Variants in TMEM60 observed in about 807,000 individuals in gnomAD.
TMEM60 encodes the protein transmembrane protein 60.
A neutral mutation model predicts 10.7 loss-of-function variants in TMEM60; 4 were observed. The ratio of observed to expected loss-of-function variants is 0.37; its 90% CI spans 0.18 to 0.86. The LOEUF (loss-of-function observed/expected upper bound fraction) is 0.86, where lower values mean the gene tolerates loss of function less well. Ranked by LOEUF, TMEM60 falls within the 40% of genes least tolerant of loss-of-function variation. TMEM60 has a pLI of 0.43. For synonymous variants in TMEM60, 56 were observed against 58.1 expected (o/e 0.96, Z 0.17); for missense variants, 128 against 153.4 (o/e 0.83, Z 0.88).
At position 77,793,761 on chromosome 7, in the gene TMEM60, T is replaced by G; in HGVS notation, c.*211A>C. On this transcript the variant is annotated 3_prime_UTR_variant, in exon 2 of 2. Transcript: ENST00000257663. ...AAAACAAACTTTATTTACATAGAGA[T>G]AATAAGGATCTCAATAACTCAAATG... 2.1e-6 allele frequency: 1 copy of G among 484,788 alleles called. No homozygotes were observed. 30.0% of individuals were successfully genotyped at this position (484,788 alleles called of 1,614,324 possible).
chr7:77,793,810 AC>A lies in TMEM60; in HGVS notation c.*161del, dbSNP rs1792135268. The A allele has an allele frequency of 1.4e-6, 1 of 695,114 alleles. No individual in the cohort carries two copies. The highest frequency in any genetic ancestry group is 1.8e-5 in the African/African-American group (1 of 54,212). The allele number at this position is 695,114 out of a possible 1,614,324, so 43.1% of individuals were successfully genotyped here. A position where few individuals can be genotyped will look rare whatever the true frequency, so the allele number is the denominator to read the frequency against. ...TGCTGAATAATTAAGCTGTAGGTTG[AC>A]TAGAAGTCCGTGATTCACCAATCCT... On this transcript the variant is annotated 3_prime_UTR_variant, in exon 2 of 2. Coordinates refer to ENST00000257663, the MANE Select transcript of TMEM60 (RefSeq NM_032936.4).
chr7:77,794,303 A>G lies in TMEM60; in HGVS notation c.71T>C (p.Val24Ala). 6.2e-7 allele frequency: 1 copy of G among 1,611,922 alleles called. No homozygotes were observed. Among genetic ancestry groups the G allele is most frequent in the East Asian group, 2.2e-5 (1 of 44,876 alleles). Residue 24 changes from valine to alanine, a missense_variant, in exon 2 of 2, where the codon GTG becomes GCG. By Grantham distance (64) the Val-to-Ala change is moderately conservative (BLOSUM62 0). Transcript: ENST00000257663. ...LFTLLFLIML[V>A]LKLDEKAPWN... ...AGGTGCTTTCTCATCCAGTTTCAAC[A>G]CCAACATGATCAAGAAGAGTAGTGT...
intron 1 of TMEM60, among the ~76,000 whole-genome samples, chr7:77,797,900 G>C (rs1181809759): frequency 6.6e-6 from 1 of 152,192 alleles, no homozygotes; most frequent in Non-Finnish European, 1.5e-5. Context: ...AGCCCGTGCA[G>C]CAACAGCCTT....
chr7:77,793,783 A>G lies in TMEM60; in HGVS notation c.*189T>C, dbSNP rs565119170. ...AGATAATAAGGATCTCAATAACTCA[A>G]ATGCTGAATAATTAAGCTGTAGGTT... On this transcript the variant is annotated 3_prime_UTR_variant, in exon 2 of 2. Transcript: ENST00000257663. 2 of 576,198 alleles carry G rather than the reference A, an allele frequency of 3.5e-6. No homozygotes were observed. The highest frequency in any genetic ancestry group is 5.6e-6 in the Non-Finnish European group (2 of 355,594). 35.7% of individuals were successfully genotyped at this position (576,198 alleles called of 1,614,324 possible).
At position 77,793,830 on chromosome 7, in the gene TMEM60, C is replaced by A; in HGVS notation, c.*142G>T. On this transcript the variant is annotated 3_prime_UTR_variant, in exon 2 of 2. Coordinates refer to ENST00000257663, the MANE Select transcript of TMEM60 (RefSeq NM_032936.4). ...GGTTGACTAGAAGTCCGTGATTCACCAATCCTGTTTTATGGAAGTAGTATA... is the reference window on the plus strand; with the variant it reads ...GGTTGACTAGAAGTCCGTGATTCACAAATCCTGTTTTATGGAAGTAGTATA... The A allele has an allele frequency of 2.2e-6, 2 of 908,122 alleles. No homozygotes were observed. Among genetic ancestry groups the A allele is most frequent in the African/African-American group, 1.7e-5 (1 of 58,166 alleles). The allele number at this position is 908,122 out of a possible 1,614,324, so 56.3% of individuals were successfully genotyped here. A position where few individuals can be genotyped will look rare whatever the true frequency, so the allele number is the denominator to read the frequency against.
In TMEM60 at chr7:77,794,402, A is replaced by G; in HGVS notation, c.-29T>C. The G allele has an allele frequency of 1.4e-6, 2 of 1,455,254 alleles. No homozygotes were observed. Among genetic ancestry groups the G allele is most frequent in the Non-Finnish European group, 1.8e-6 (2 of 1,104,368 alleles). 90.1% of individuals were successfully genotyped at this position (1,455,254 alleles called of 1,614,324 possible). On this transcript the variant is annotated 5_prime_UTR_variant, in exon 2 of 2. Coordinates refer to ENST00000257663, the MANE Select transcript of TMEM60 (RefSeq NM_032936.4). ...AACAGTTTAAAGAGGCTGTTGCAGG[A>G]TCGGAAAAAAGGAAATATACCCTAA...
At position 77,794,048 on chromosome 7, in the gene TMEM60, A is replaced by G. The variant is rs374607155; in HGVS notation, c.326T>C (p.Val109Ala). The G allele has an allele frequency of 4.1e-5, 66 of 1,612,406 alleles. No individual in the cohort carries two copies. The highest frequency in any genetic ancestry group is 5.3e-5 in the Non-Finnish European group (63 of 1,179,662). ...EQFTTMNLSY[V>A]FIPLWALLAG... ...CAGCAAGGCCCATAAAGGAATGAAG[A>G]CATAGGATAGATTCATGGTAGTAAA... The change falls in exon 2 of 2, where the codon GTC (valine) becomes GCC (alanine). Residue 109 changes from valine (V) to alanine (A), a missense_variant. Val to Ala is a moderately conservative substitution (Grantham distance 64, BLOSUM62 0). Coordinates refer to ENST00000257663, the MANE Select transcript of TMEM60 (RefSeq NM_032936.4).
At chr7:77,796,685 A>T (rs1042320101) in intron 1 of TMEM60, among the ~76,000 whole-genome samples, 16 of 152,234 alleles carry the variant, frequency 1.1e-4, no homozygotes, top group African/African-American at 3.9e-4. Context: ...CTTGATGGAA[A>T]GAGAAAAAGA....
At chr7:77,794,557 A>G (rs762392975) in intron 1 of TMEM60, 134 bp from the exon 2 acceptor site, 6 of 560,746 alleles carry the variant, frequency 1.1e-5, no homozygotes, top group Non-Finnish European at 1.7e-5. Context: ...CTTCCTTTCA[A>G]ATCCTCTAAA....
In TMEM60 at chr7:77,793,947, A is replaced by G. The variant is rs550516952; in HGVS notation, c.*25T>C. On this transcript the variant is annotated 3_prime_UTR_variant, in exon 2 of 2. Transcript: ENST00000257663. ...TAATGGTAACTTGTTGAACAGCAATAGAAAGGAGATGATGTACTTAGAAGT... is the reference window on the plus strand; with the variant it reads ...TAATGGTAACTTGTTGAACAGCAATGGAAAGGAGATGATGTACTTAGAAGT... 1 of 1,521,950 alleles carries G rather than the reference A, an allele frequency of 6.6e-7. No individual in the cohort carries two copies. The highest frequency in any genetic ancestry group is 2.3e-5 in the East Asian group (1 of 43,940). 94.3% of individuals were successfully genotyped at this position (1,521,950 alleles called of 1,614,324 possible).
At chr7:77,797,763 A>G (rs1294343031) in intron 1 of TMEM60, among the ~76,000 whole-genome samples, 1 of 152,168 alleles carries the variant, frequency 6.6e-6, no homozygotes, top group East Asian at 1.9e-4. Context: ...ACGGCTGGGT[A>G]TCAGCCCCCA....
At chr7:77,797,079 T>C (rs1033106273) in intron 1 of TMEM60, among the ~76,000 whole-genome samples, 1 of 152,174 alleles carries the variant, frequency 6.6e-6, no homozygotes, top group African/African-American at 2.4e-5. Context: ...GAGGCTGCCA[T>C]AGAGTGGGAT....
At chr7:77,797,985 C>T (rs963889145) in intron 1 of TMEM60, among the ~76,000 whole-genome samples, 1 of 152,248 alleles carries the variant, frequency 6.6e-6, no homozygotes, top group African/African-American at 2.4e-5. Context: ...TCAGGACGCT[C>T]CTAAACTATA....
chr7:77,797,079 T>G (rs1033106273), intron 1 of TMEM60, among the ~76,000 whole-genome samples: 1 of 152,174 alleles, frequency 6.6e-6, no homozygotes, highest in African/African-American at 2.4e-5. Flanking sequence ...GAGGCTGCCA[T>G]AGAGTGGGAT....
chr7:77,795,354 T>A (rs1037075622), intron 1 of TMEM60, among the ~76,000 whole-genome samples: 6 of 152,072 alleles, frequency 3.9e-5, no homozygotes, highest in African/African-American at 1.2e-4. Context: ...ACCCCGTCTC[T>A]ACTAAAAATA....
At position 77,794,279 on chromosome 7, in the gene TMEM60, G is replaced by C. The variant is rs753970717; in HGVS notation, c.95C>G (p.Pro32Arg). Residue 32 changes from proline (P) to arginine (R), a missense_variant, in exon 2 of 2, where the codon CCT becomes CGT. Pro to Arg is a moderately radical substitution (Grantham distance 103, BLOSUM62 -2). Transcript: ENST00000257663. Reference sequence around the variant, plus strand: ...AATGAATATGAGGAACCAGTTCCAAGGTGCTTTCTCATCCAGTTTCAACAC... The same window carrying C: ...AATGAATATGAGGAACCAGTTCCAACGTGCTTTCTCATCCAGTTTCAACAC... ...MLVLKLDEKAPWNWFLIFIPV... is the reference protein window; with the variant it reads ...MLVLKLDEKARWNWFLIFIPV... 107 of 1,613,480 alleles carry C rather than the reference G, an allele frequency of 6.6e-5. No homozygotes were observed. Among genetic ancestry groups the C allele is most frequent in the Non-Finnish European group, 8.5e-6 (10 of 1,179,920 alleles).
Position 77,794,417 on chromosome 7 carries a change from A to G in TMEM60, c.-44T>C. 6.9e-7 allele frequency: 1 copy of G among 1,447,076 alleles called. No homozygotes were observed. The highest frequency in any genetic ancestry group is 9.1e-7 in the Non-Finnish European group (1 of 1,100,248). 89.6% of individuals were successfully genotyped at this position (1,447,076 alleles called of 1,614,324 possible). A position where few individuals can be genotyped will look rare whatever the true frequency, so the allele number is the denominator to read the frequency against. On this transcript the variant is annotated 5_prime_UTR_variant, in exon 2 of 2. Transcript: ENST00000257663. ...CTGTTGCAGGATCGGAAAAAAGGAA[A>G]TATACCCTAAGAGAAGGAGAAAAAG...
Position 77,794,294 on chromosome 7 carries a change from A to T in TMEM60, c.80T>A (p.Leu27Gln), listed in dbSNP as rs980923094. 1.9e-6 allele frequency: 3 copies of T among 1,612,958 alleles called. No homozygotes were observed. Among genetic ancestry groups the T allele is most frequent in the Non-Finnish European group, 2.5e-6 (3 of 1,179,704 alleles). Residue 27 changes from leucine to glutamine, a missense_variant, in exon 2 of 2, where the codon CTG becomes CAG. Transcript: ENST00000257663. Reference sequence around the variant, plus strand: ...CCAGTTCCAAGGTGCTTTCTCATCCAGTTTCAACACCAACATGATCAAGAA... The same window carrying T: ...CCAGTTCCAAGGTGCTTTCTCATCCTGTTTCAACACCAACATGATCAAGAA... ...LLFLIMLVLK[L>Q]DEKAPWNWFL... is the part of the protein sequence containing the mutation.
intron 1 of TMEM60, among the ~76,000 whole-genome samples, chr7:77,796,285 A>C (rs1792166829): frequency 6.6e-6 from 1 of 152,114 alleles, no homozygotes; most frequent in Non-Finnish European, 1.5e-5. Context: ...TTCAATGCTA[A>C]ATTTGCTGAT....
Sources: allele counts gnomAD v4.1 joint callset (sites outside exome capture counted in the v4.1 genomes callset), GRCh38; gene constraint gnomAD v4.1.1; transcripts MANE v1.5; gene names NCBI Gene and HGNC (gene_info 2026-07-23, HGNC 2026-07-21).